Variants in STX1A observed in about 807,000 individuals in gnomAD.
The protein encoded by STX1A is syntaxin 1A.
A neutral mutation model predicts 37.8 loss-of-function variants in STX1A; 4 were observed. The ratio of observed to expected loss-of-function variants is 0.11; its 90% CI spans 0.05 to 0.24. The LOEUF (loss-of-function observed/expected upper bound fraction) is 0.24, where lower values mean the gene tolerates loss of function less well. Ranked by LOEUF, STX1A falls within the 10% of genes least tolerant of loss-of-function variation. STX1A has a pLI of 1.00. For synonymous variants in STX1A, 135 were observed against 147.4 expected, an observed-to-expected ratio of 0.92 and a Z score of 0.61; for missense variants, 251 against 399.9, an observed-to-expected ratio of 0.63 and a Z score of 3.18.
intron 3 of STX1A, among the ~76,000 whole-genome samples, chr7:73,707,935 GA>G (rs67491539): frequency 0.15 from 18,343 of 118,906 alleles, 1,523 homozygotes; most frequent in Middle Eastern, 0.23. Context: ...ACTCCGTCTT[GA>G]AAAAAAAAAA....
Position 73,704,220 on chromosome 7 carries a change from A to T in STX1A, c.394T>A (p.Ser132Thr), listed in dbSNP as rs1361778002. The T allele has an allele frequency of 1.9e-6, 3 of 1,613,564 alleles. No homozygotes were observed. Among genetic ancestry groups the T allele is most frequent in the African/African-American group, 2.7e-5 (2 of 74,826 alleles). ...TLSRKFVEVM[S>T]EYNATQSDYR... Reference sequence around the variant, plus strand: ...TCGGACTGCGTGGCGTTGTACTCCGACATGACCTCCACAAACTTTCTGGAC... The same window carrying T: ...TCGGACTGCGTGGCGTTGTACTCCGTCATGACCTCCACAAACTTTCTGGAC... The change falls in exon 6 of 10, where the codon TCG becomes ACG. Residue 132 changes from serine (S) to threonine (T), a missense_variant. Ser to Thr is a moderately conservative substitution (Grantham distance 58, BLOSUM62 1). Around this residue, in one of 2 missense-constraint regions of STX1A, gnomAD observed 214 missense variants for 367.6 expected, o/e 0.58. Transcript: ENST00000222812.
At position 73,702,987 on chromosome 7, in the gene STX1A, G is replaced by A. The variant is rs781976871; in HGVS notation, c.541-5C>T. ...GATGCTGGAGTCCATGATGATCTGG[G>A]GGTGGGAGCAGGGGGCTGGGACCCA... On this transcript the variant is annotated splice_polypyrimidine_tract_variant and splice_region_variant and intron_variant, in intron 7 of 9. Coordinates refer to ENST00000222812, the MANE Select transcript of STX1A (RefSeq NM_004603.4). The surrounding 1 kb of genome is among the most constrained non-coding windows in gnomAD (Gnocchi z 4.7). The A allele has an allele frequency of 4.9e-5, 79 of 1,601,176 alleles. 4 individuals carry two copies. In the South Asian group the frequency reaches 8.4e-4, roughly 17 times the overall value.
chr7:73,718,639 A>G (rs1472238516), intron 1 of STX1A, among the ~76,000 whole-genome samples: 2 of 151,766 alleles, frequency 1.3e-5, no homozygotes, highest in Non-Finnish European at 2.9e-5. Context: ...ACACACCCAG[A>G]GAGGCTTCAT....
chr7:73,719,549 G>T, intron 1 of STX1A, 53 bp downstream of exon 1: 2 of 1,201,570 alleles, frequency 1.7e-6, no homozygotes, highest in East Asian at 7.0e-5. Flanking sequence ...AGTGTCCGGC[G>T]CGTTGGCGCT....
Position 73,707,935 on chromosome 7 carries a change from GAAAAAAA to G in STX1A, c.208+647_208+653del, listed in dbSNP as rs67491539. 3.6e-3 allele frequency among the ~76,000 whole-genome samples: 433 copies of G among 119,140 alleles called. 3 individuals carry two copies. Among genetic ancestry groups the G allele is most frequent in the African/African-American group, 0.012 (375 of 30,368 alleles). The allele number at this position is 119,140 out of a possible 152,430, so 78.2% of individuals were successfully genotyped here. A position where few individuals can be genotyped will look rare whatever the true frequency, so the allele number is the denominator to read the frequency against. On this transcript the variant is annotated intron_variant, in intron 3 of 9. Transcript: ENST00000222812. Reference sequence around the variant, plus strand: ...GGGTGACAGAGCAAGACTCCGTCTTGAAAAAAAAAAAAAGAAAAAAGAAAAGAAAAAA... The same window carrying G: ...GGGTGACAGAGCAAGACTCCGTCTTGAAAAAAGAAAAAAGAAAAGAAAAAA...
chr7:73,719,382 C>T (rs553096179), intron 1 of STX1A, among the ~76,000 whole-genome samples: 1 of 152,190 alleles, frequency 6.6e-6, no homozygotes, highest in Non-Finnish European at 1.5e-5. Flanking sequence ...CGACCGTCCA[C>T]GTGTCAGCGC....
chr7:73,703,750 C>T lies in STX1A; in HGVS notation c.540+5G>A. On this transcript the variant is annotated splice_donor_5th_base_variant and intron_variant, in intron 7 of 9. Transcript: ENST00000222812. ...CATGGCAGGAGGGATGGGGCCTACA[C>T]TCACCCCAGAGGCAAAGATGGCGGG... 10 of 1,612,936 alleles carry T rather than the reference C, an allele frequency of 6.2e-6. No individual in the cohort carries two copies. Among genetic ancestry groups the T allele is most frequent in the Non-Finnish European group, 8.5e-6 (10 of 1,179,344 alleles).
At position 73,702,700 on chromosome 7, in the gene STX1A, C is replaced by T. The variant is rs782234163; in HGVS notation, c.678+145G>A. 1.4e-5 allele frequency: 21 copies of T among 1,515,268 alleles called. No individual in the cohort carries two copies. The highest frequency in any genetic ancestry group is 4.1e-5 in the Admixed American group (2 of 48,990). 93.9% of individuals were successfully genotyped at this position (1,515,268 alleles called of 1,614,324 possible). On this transcript the variant is annotated intron_variant, in intron 8 of 9. Coordinates refer to ENST00000222812, the MANE Select transcript of STX1A (RefSeq NM_004603.4). This position sits in a 1 kb window ranked among gnomAD's most constrained non-coding sequence, Gnocchi z 4.7. The stretch of plus-strand genomic sequence containing the variant: ...GACCTTCGGGTCGGCAGGGCCCTGG[C>T]GGCAGTTTCAACAGCGGGTGATTGG...
chr7:73,715,708 G>A (rs1426705626), intron 1 of STX1A, among the ~76,000 whole-genome samples: 4 of 152,240 alleles, frequency 2.6e-5, no homozygotes, highest in African/African-American at 9.6e-5. Context: ...GAAGCCACCA[G>A]GCTGGCAAGG....
intron 1 of STX1A, among the ~76,000 whole-genome samples, chr7:73,715,419 T>C (rs1554618543): frequency 1.3e-5 from 2 of 148,762 alleles, no homozygotes; most frequent in Non-Finnish European, 3.0e-5. Context: ...AGACTCCGTC[T>C]AAAAAAACAA....
chr7:73,701,033 G>T, intron 8 of STX1A, 193 bp from the exon 9 acceptor site: 1 of 1,095,192 alleles, frequency 9.1e-7, no homozygotes, highest in Non-Finnish European at 1.3e-6. Flanking sequence ...CCCCAAGGCA[G>T]CTCCCACATT....
intron 7 of STX1A, chr7:73,703,468 C>A (rs1554616231): frequency 1.5e-6 from 1 of 656,584 alleles, no homozygotes. Flanking sequence ...GCCAAATGTC[C>A]TCCAGGAGAG....
chr7:73,701,719 C>A (rs1167006514), intron 8 of STX1A, among the ~76,000 whole-genome samples: 12 of 152,164 alleles, frequency 7.9e-5, no homozygotes, highest in Non-Finnish European at 1.8e-4. Flanking sequence ...GTCTGTTTCT[C>A]ACCAGATGGC....
At chr7:73,708,170 AG>A (rs1798946831) in intron 3 of STX1A, among the ~76,000 whole-genome samples, 1 of 145,236 alleles carries the variant, frequency 6.9e-6, no homozygotes, top group Non-Finnish European at 1.5e-5. Context: ...AGGCTGAGGC[AG>A]GGGAATCGCT....
chr7:73,703,039 GGC>G, intron 7 of STX1A, 57 bp from the exon 8 acceptor site: 2 of 1,421,892 alleles, frequency 1.4e-6, no homozygotes, highest in East Asian at 2.5e-5. Context: ...CAGGGCAGAG[GGC>G]CGAGGGGGAG....
chr7:73,700,372 G>C lies in STX1A; in HGVS notation c.*35C>G. 1 of 1,607,788 alleles carries C rather than the reference G, an allele frequency of 6.2e-7. No homozygotes were observed. Among genetic ancestry groups the C allele is most frequent in the African/African-American group, 1.3e-5 (1 of 74,874 alleles). On this transcript the variant is annotated 3_prime_UTR_variant, in exon 10 of 10. Transcript: ENST00000222812. This position sits in a 1 kb window ranked among gnomAD's most constrained non-coding sequence, Gnocchi z 4.4. ...CAGCAGCCAGGGCCTCCTTGGAGTG[G>C]CCCACCTGGAGTGGAGTGGCAGTTT...
intron 1 of STX1A, among the ~76,000 whole-genome samples, chr7:73,710,015 A>G (rs1264004573): frequency 6.6e-6 from 1 of 152,034 alleles, no homozygotes; most frequent in African/African-American, 2.4e-5. Flanking sequence ...TGTAGGTGTG[A>G]GCCACTGCAC....
intron 4 of STX1A, chr7:73,704,667 CT>C (rs1554616562): frequency 1.7e-6 from 1 of 579,940 alleles, no homozygotes; most frequent in African/African-American, 1.9e-5. Flanking sequence ...TGTGTGAGGT[CT>C]GGTAGCTCCG....
intron 2 of STX1A, 78 bp from the exon 3 acceptor site, chr7:73,708,766 G>C: frequency 6.7e-7 from 1 of 1,487,268 alleles, no homozygotes. Flanking sequence ...GCCCAGAGTA[G>C]GGCTGCGGTC....
Sources: gnomAD v4.1 joint callset for allele counts (sites outside exome capture counted in the v4.1 genomes callset) on GRCh38, gnomAD v4.1.1 for gene constraint, gnomAD v4.1.1 regional missense constraint, Gnocchi (gnomAD v3.1) non-coding constraint, MANE v1.5 for transcripts, NCBI Gene and HGNC (gene_info 2026-07-23, HGNC 2026-07-21) for gene names.